SRP68: variants seen among roughly 807,000 people sequenced by gnomAD.
SRP68 encodes the protein signal recognition particle subunit SRP68.
Under a neutral mutation model 82.2 loss-of-function variants are expected in SRP68, and 15 were observed. The ratio of observed to expected loss-of-function variants is 0.18; its 90% confidence interval spans 0.12 to 0.28. The LOEUF is 0.28. Among genes scored for constraint, SRP68 ranks in the 10% least tolerant of loss-of-function variants. The probability of loss-of-function intolerance (pLI) is 1.00; values close to 1 mark genes in which losing one functional copy is unlikely to be tolerated. For missense variants in SRP68, 595 were observed against 780.5 expected (o/e 0.76, Z 2.83); for synonymous variants, 261 against 292.6 (o/e 0.89, Z 1.10).
chr17:76,054,649 C>A (rs527889376), intron 8 of SRP68, among the ~76,000 whole-genome samples: 2 of 151,782 alleles, frequency 1.3e-5, no homozygotes, highest in African/African-American at 4.8e-5. Flanking sequence ...GTCAGGAGTT[C>A]GAGACCTACT....
intron 3 of SRP68, among the ~76,000 whole-genome samples, chr17:76,064,840 C>CAAAAA (rs11329369): frequency 1.2e-5 from 1 of 83,560 alleles, no homozygotes; most frequent in African/African-American, 4.6e-5. Flanking sequence ...GACTCCATCT[C>CAAAAA]AAAAAAAAAA....
chr17:76,057,454 T>C lies in SRP68; in HGVS notation c.927A>G (p.Lys309=). 1 of 1,614,196 alleles carries C rather than the reference T, an allele frequency of 6.2e-7. No individual in the cohort carries two copies. The highest frequency in any genetic ancestry group is 1.1e-5 in the South Asian group (1 of 91,086). The part of the protein sequence containing the change: ...RGRTVPVKID[K]VRIFLLGLAD... ...CCAGTCCTAATAAGAAAATGCGCAC[T>C]TTGTCAATCTTCACTGGAACCGTTC... The change falls in exon 8 of 16, where the codon AAA becomes AAG. Residue 309 remains lysine, a synonymous_variant. Transcript: ENST00000307877.
chr17:76,044,589 T>C (rs1191957119), intron 12 of SRP68, among the ~76,000 whole-genome samples: 1 of 152,178 alleles, frequency 6.6e-6, no homozygotes, highest in Non-Finnish European at 1.5e-5. Flanking sequence ...AAGTTACAAA[T>C]GACACAAGTC....
At position 76,070,396 on chromosome 17, in the gene SRP68, C is replaced by T; in HGVS notation, c.233G>A (p.Gly78Glu). The change falls in exon 2 of 16, where the codon GGA becomes GAA. Residue 78 changes from glycine (G) to glutamate (E), a missense_variant. Around this residue, in one of 2 missense-constraint regions of SRP68, gnomAD observed 495 missense variants for 688.6 expected, o/e 0.72. Transcript: ENST00000307877. ...TACTAACCTGTACCTCTGAAAATCT[C>T]CATGCCGTAAACCATGCTGCTGCTG... is the stretch of plus-strand genomic sequence containing the variant. ...ESQQQHGLRH[G>E]DFQRYRGYCS... The T allele has an allele frequency of 6.2e-7, 1 of 1,614,044 alleles. No homozygotes were observed. The highest frequency in any genetic ancestry group is 8.5e-7 in the Non-Finnish European group (1 of 1,179,956).
Position 76,047,976 on chromosome 17 carries a change from G to T in SRP68, c.1078-6C>A. The stretch of plus-strand genomic sequence containing the variant: ...AGGATATAATCTCTCTGTTTCTGCA[G>T]AAAGTGAAAAAGGTAAAAAGTAAAG... On this transcript the variant is annotated splice_region_variant and splice_polypyrimidine_tract_variant and intron_variant, in intron 9 of 15. Transcript: ENST00000307877. The T allele has an allele frequency of 1.9e-6, 3 of 1,567,332 alleles. No homozygotes were observed. In the South Asian group the frequency reaches 3.7e-5, roughly 19 times the overall value.
intron 4 of SRP68, among the ~76,000 whole-genome samples, chr17:76,062,955 A>G (rs1157538533): frequency 2.7e-5 from 4 of 148,748 alleles, no homozygotes; most frequent in South Asian, 2.1e-4. Flanking sequence ...TATTTTTAGT[A>G]GAGATGGGGT....
At position 76,046,832 on chromosome 17, in the gene SRP68, T is replaced by C. The variant is rs559996687; in HGVS notation, c.1143-638A>G. Among the ~76,000 whole-genome samples, 12 of 152,000 alleles carry C rather than the reference T, an allele frequency of 7.9e-5. No homozygotes were observed. In the South Asian group the frequency reaches 2.5e-3, roughly 32 times the overall value. The stretch of plus-strand genomic sequence containing the variant: ...GGTGGGCACCTGTAGTCCCAGCTAC[T>C]TGGGAGGCTGAGGTAGGAAAATGGT... On this transcript the variant is annotated intron_variant, in intron 10 of 15. Coordinates refer to ENST00000307877, the MANE Select transcript of SRP68 (RefSeq NM_014230.4).
chr17:76,046,882 A>G (rs1334896802), intron 10 of SRP68, among the ~76,000 whole-genome samples: 1 of 152,188 alleles, frequency 6.6e-6, no homozygotes, highest in Admixed American at 6.5e-5. Context: ...CGGAGCTTGC[A>G]GTGAGCCAAG....
intron 3 of SRP68, among the ~76,000 whole-genome samples, chr17:76,064,470 C>T (rs773314984): frequency 3.3e-5 from 5 of 152,142 alleles, no homozygotes; most frequent in African/African-American, 1.2e-4. Context: ...CAAACAGACA[C>T]GGTCTAGGCA....
At chr17:76,051,332 A>G (rs2066670833) in intron 8 of SRP68, among the ~76,000 whole-genome samples, 1 of 152,246 alleles carries the variant, frequency 6.6e-6, no homozygotes, top group Admixed American at 6.5e-5. Flanking sequence ...GCAGATAGAA[A>G]TGGACAAAAG....
chr17:76,062,715 ATAT>A lies in SRP68; in HGVS notation c.562-1144_562-1142del, dbSNP rs1228303732. ...CATTATATATTGTATATTATACAATATATTATATTTATTTTATATATATATATA... is the reference window on the plus strand; with the variant it reads ...CATTATATATTGTATATTATACAATATATATTTATTTTATATATATATATA... On this transcript the variant is annotated intron_variant, in intron 4 of 15. Coordinates refer to ENST00000307877, the MANE Select transcript of SRP68 (RefSeq NM_014230.4). Among the ~76,000 whole-genome samples the A allele has an allele frequency of 9.4e-4, 53 of 56,602 alleles. 18 individuals are homozygous for A. The highest frequency in any genetic ancestry group is 6.2e-3 in the African/African-American group (47 of 7,558). 37.1% of individuals were successfully genotyped at this position (56,602 alleles called of 152,430 possible).
intron 6 of SRP68, 38 bp from the exon 7 acceptor site, chr17:76,060,428 T>G (rs1428061351): frequency 1.3e-6 from 2 of 1,520,634 alleles, no homozygotes; most frequent in Non-Finnish European, 1.8e-6. Flanking sequence ...AAGGGTCTGG[T>G]CTGTTTTCTT....
intron 6 of SRP68, 24 bp from the exon 7 acceptor site, chr17:76,060,414 C>A (rs761424392): frequency 6.4e-7 from 1 of 1,574,072 alleles, no homozygotes; most frequent in South Asian, 1.1e-5. Flanking sequence ...ACAGGAAAAT[C>A]TTCAAGGGTC....
At chr17:76,049,104 G>A (rs2066653098) in intron 9 of SRP68, 1 of 152,248 alleles carries the variant, frequency 6.6e-6, no homozygotes, top group Admixed American at 6.5e-5. Flanking sequence ...TTTACAAAAT[G>A]CAGAGAGTTC....
rs764382747 is a variant in SRP68, at chr17:76,040,409, C to T, written c.1656+10G>A. On this transcript the variant is annotated intron_variant, in intron 15 of 15. Transcript: ENST00000307877. ...CTTCGTATTCCTCAAAAACCATGGC[C>T]CAGACTTACCTTATTGTCCTTGACT... 6 of 1,613,480 alleles carry T rather than the reference C, an allele frequency of 3.7e-6. No individual in the cohort carries two copies. The East Asian group carries it at 1.1e-4, about 30-fold the overall frequency.
intron 2 of SRP68, among the ~76,000 whole-genome samples, chr17:76,068,546 A>G (rs916369211): frequency 2.0e-5 from 3 of 152,154 alleles, no homozygotes; most frequent in Non-Finnish European, 2.9e-5. Context: ...GAGGAAGACT[A>G]AGATGACACC....
At position 76,041,984 on chromosome 17, in the gene SRP68, C is replaced by T. The variant is rs183850953; in HGVS notation, c.1525-1006G>A. Reference sequence around the variant, plus strand: ...CTGCAAGCTCCGCCTCCCGCGTTCACGCCATTCTCCTGCCTCAGCCTCCCG... The same window carrying T: ...CTGCAAGCTCCGCCTCCCGCGTTCATGCCATTCTCCTGCCTCAGCCTCCCG... On this transcript the variant is annotated intron_variant, in intron 13 of 15. Transcript: ENST00000307877. Among the ~76,000 whole-genome samples, 107 of 152,114 alleles carry T rather than the reference C, an allele frequency of 7.0e-4. No homozygotes were observed. The East Asian group carries it at 0.014, about 20-fold the overall frequency.
chr17:76,061,054 A>G lies in SRP68; in HGVS notation c.754+56T>C, dbSNP rs2066748834. The G allele has an allele frequency of 2.8e-6, 3 of 1,069,680 alleles. No individual in the cohort carries two copies. The Admixed American group carries it at 5.3e-5, about 19-fold the overall frequency. The allele number at this position is 1,069,680 out of a possible 1,614,324, so 66.3% of individuals were successfully genotyped here. A position where few individuals can be genotyped will look rare whatever the true frequency, so the allele number is the denominator to read the frequency against. On this transcript the variant is annotated intron_variant, in intron 6 of 15. Coordinates refer to ENST00000307877, the MANE Select transcript of SRP68 (RefSeq NM_014230.4). Reference sequence around the variant, plus strand: ...TCTAGGCTCTCTGAAGTGAGCTCCCAATAGGCCATCTATCAATGTTCAAGT... The same window carrying G: ...TCTAGGCTCTCTGAAGTGAGCTCCCGATAGGCCATCTATCAATGTTCAAGT...
chr17:76,063,738 G>A (rs1409394340), intron 4 of SRP68, among the ~76,000 whole-genome samples: 1 of 150,960 alleles, frequency 6.6e-6, no homozygotes, highest in Non-Finnish European at 1.5e-5. Context: ...CAAGAGCTTG[G>A]GAATACTCAT....
Sources: allele counts gnomAD v4.1 joint callset (sites outside exome capture counted in the v4.1 genomes callset), GRCh38; gene constraint gnomAD v4.1.1; regional missense constraint gnomAD v4.1.1; transcripts MANE v1.5; gene names NCBI Gene and HGNC (gene_info 2026-07-23, HGNC 2026-07-21).